NEB: variants seen among roughly 807,000 people sequenced by gnomAD.
NEB encodes nemaline myopathy type 2.
A neutral mutation model predicts 952.2 loss-of-function variants in NEB; 512 were observed. The ratio of observed to expected loss-of-function variants is 0.54; its 90% confidence interval spans 0.50 to 0.58. NEB has a LOEUF of 0.58. Among genes scored for constraint, NEB ranks in the 20% least tolerant of loss-of-function variants. The pLI is 0.00. For synonymous variants in NEB, 2,900 were observed against 3,149.8 expected (o/e 0.92, Z 2.66); for missense variants, 8,428 against 9,231.1 (o/e 0.91, Z 3.56).
intron 9 of NEB, among the ~76,000 whole-genome samples, chr2:151,719,696 C>T (rs1233891386): frequency 1.3e-5 from 2 of 152,126 alleles, no homozygotes; most frequent in African/African-American, 2.4e-5. Context: ...CAGGGCAATA[C>T]GGTGAAACCC....
intron 138 of NEB, among the ~76,000 whole-genome samples, chr2:151,538,665 C>A (rs546801327): frequency 9.9e-5 from 15 of 151,416 alleles, no homozygotes; most frequent in African/African-American, 3.4e-4. Context: ...CCCAAACAAA[C>A]AACATTGTTG....
chr2:151,493,384 C>G lies in NEB; in HGVS notation c.24734G>C (p.Arg8245Thr), dbSNP rs1559153253. The G allele has an allele frequency of 6.2e-7, 1 of 1,612,460 alleles. No individual in the cohort carries two copies. ...TPTPVTPEME[R>T]AKRNQENISS... ...AATGTTTTCTTGGTTGCGCTTAGCT[C>G]TCTCCATCTCTGGAGTAACAGGTGT... Residue 8245 changes from arginine to threonine, a missense_variant, in exon 176 of 182, where the codon AGA becomes ACA. Transcript: ENST00000397345.
rs1482662133 is a variant in NEB, at chr2:151,496,305, C to T, written c.24457G>A (p.Val8153Ile). ...CTAATATTTTCTTGATTGTGTTTGA[C>T]TCGCTCCATCTCGGGAGTGACAGCT... ...PLAVTPEMER[V>I]KHNQENISSV... Residue 8153 changes from valine (V) to isoleucine (I), a missense_variant, in exon 173 of 182, where the codon GTC (valine) becomes ATC (isoleucine). Physicochemically the swap from Val to Ile is conservative, Grantham distance 29. Around this residue, in one of 11 missense-constraint regions of NEB, gnomAD observed 3,374 missense variants for 3,651.5 expected, o/e 0.92. Transcript: ENST00000397345. The T allele has an allele frequency of 2.5e-6, 4 of 1,611,508 alleles. No individual in the cohort carries two copies. The highest frequency in any genetic ancestry group is 1.7e-5 in the Admixed American group (1 of 59,802).
chr2:151,680,698 T>C, intron 30 of NEB, 32 bp downstream of exon 30: 3 of 1,413,112 alleles, frequency 2.1e-6, no homozygotes, highest in Non-Finnish European at 3.0e-6. Context: ...TTAGTTAACA[T>C]CTATTAACAT....
rs1553934027 is a variant in NEB, at chr2:151,629,550, C to CCCT, written c.9819_9820insAGG (p.Asp3273_Val3274insArg). On this transcript the variant is annotated inframe_insertion, in exon 68 of 182. Coordinates refer to ENST00000397345, the MANE Select transcript of NEB (RefSeq NM_001164508.2). The stretch of plus-strand genomic sequence containing the variant: ...GTGTTGCTACTCACATCACTGATAA[C>CCCT]GTCCCTGGAGGCCTTGGCAGCCACG... 1.9e-6 allele frequency: 3 copies of CCCT among 1,612,598 alleles called. No individual in the cohort carries two copies. The highest frequency in any genetic ancestry group is 2.5e-6 in the Non-Finnish European group (3 of 1,178,688).
intron 71 of NEB, among the ~76,000 whole-genome samples, chr2:151,622,190 T>C (rs2098431535): frequency 6.6e-6 from 1 of 151,988 alleles, no homozygotes; most frequent in South Asian, 2.1e-4. Flanking sequence ...TTAGTAGAGA[T>C]GGGTGTTGCT....
chr2:151,525,147 G>A lies in NEB; in HGVS notation c.22272+16C>T. 6.3e-7 allele frequency: 1 copy of A among 1,583,364 alleles called. No homozygotes were observed. Among genetic ancestry groups the A allele is most frequent in the Non-Finnish European group, 8.7e-7 (1 of 1,152,102 alleles). Reference sequence around the variant, plus strand: ...CTTCAAATGGGCCCCCAAGAGTGTTGAGAGGGAAAACTTACATCACTTTGC... The same window carrying A: ...CTTCAAATGGGCCCCCAAGAGTGTTAAGAGGGAAAACTTACATCACTTTGC... On this transcript the variant is annotated intron_variant, in intron 151 of 181. Coordinates refer to ENST00000397345, the MANE Select transcript of NEB (RefSeq NM_001164508.2).
At position 151,640,653 on chromosome 2, in the gene NEB, T is replaced by C. The variant is rs368800654; in HGVS notation, c.8387A>G (p.Glu2796Gly). The part of the protein sequence containing the change: ...RDIASEFKYK[E>G]GYRKQLGHHI... ...GTGGCCGAGCTGCTTACGATAGCCT[T>C]CTTTGTACTTGAACTAAAAGAAGAA... Residue 2796 changes from glutamate (E) to glycine (G), a missense_variant, in exon 61 of 182, where the codon GAA (glutamate) becomes GGA (glycine). Transcript: ENST00000397345. 6.2e-7 allele frequency: 1 copy of C among 1,609,996 alleles called. No individual in the cohort carries two copies. The highest frequency in any genetic ancestry group is 8.5e-7 in the Non-Finnish European group (1 of 1,177,220).
At chr2:151,693,809 A>T (rs2099575934) in intron 20 of NEB, among the ~76,000 whole-genome samples, 1 of 152,156 alleles carries the variant, frequency 6.6e-6, no homozygotes, top group South Asian at 2.1e-4. Flanking sequence ...TTTAATAAGT[A>T]TGTTAAAGTC....
intron 107 of NEB, among the ~76,000 whole-genome samples, chr2:151,574,099 T>C (rs1176346405): frequency 6.6e-6 from 1 of 152,128 alleles, no homozygotes; most frequent in Non-Finnish European, 1.5e-5. Flanking sequence ...CTCAGTCTCC[T>C]GAGTAGCTGG....
intron 114 of NEB, among the ~76,000 whole-genome samples, chr2:151,566,885 T>C (rs529345289): frequency 1.5e-3 from 231 of 152,286 alleles, no homozygotes; most frequent in African/African-American, 5.3e-3. Flanking sequence ...TACTTTTCTA[T>C]GTGAATGTGA....
chr2:151,617,503 GA>G, intron 74 of NEB, 35 bp from the exon 75 acceptor site: 2 of 1,227,388 alleles, frequency 1.6e-6, no homozygotes, highest in Non-Finnish European at 2.3e-6. Context: ...GAGAGAGAGA[GA>G]AAAATTATTT....
rs1158552388 is a variant in NEB at position 151,627,518 on chromosome 2, C to T, written c.10143+5G>A. 6.2e-7 allele frequency: 1 copy of T among 1,613,056 alleles called. No homozygotes were observed. Among genetic ancestry groups the T allele is most frequent in the African/African-American group, 1.3e-5 (1 of 75,040 alleles). ...GCACAGTTACCATGGATCTTAATTA[C>T]TCACATCGCTCTGGAGGTCATAGGC... is the stretch of plus-strand genomic sequence containing the variant. On this transcript the variant is annotated splice_donor_5th_base_variant and intron_variant, in intron 69 of 181. Transcript: ENST00000397345.
chr2:151,674,323 T>C (rs565131674), intron 36 of NEB, among the ~76,000 whole-genome samples, 154 bp downstream of exon 36: 2 of 152,328 alleles, frequency 1.3e-5, no homozygotes, highest in African/African-American at 4.8e-5. Context: ...CACAAAAATG[T>C]TTCTAAAAGT....
At chr2:151,608,993 G>A (rs1247127981) in intron 81 of NEB, among the ~76,000 whole-genome samples, 2 of 135,958 alleles carry the variant, frequency 1.5e-5, no homozygotes, top group African/African-American at 5.0e-5. Context: ...CAAGGTGCAG[G>A]CCTTCAGCAC....
Position 151,609,859 on chromosome 2 carries a change from C to A in NEB, c.12280G>T (p.Asp4094Tyr), listed in dbSNP as rs748607410. The A allele has an allele frequency of 1.2e-6, 2 of 1,607,370 alleles. No homozygotes were observed. Among genetic ancestry groups the A allele is most frequent in the African/African-American group, 1.3e-5 (1 of 74,676 alleles). The change falls in exon 81 of 182, where the codon GAT becomes TAT. Residue 4094 changes from aspartate (D) to tyrosine (Y), a missense_variant. Transcript: ENST00000397345. Reference sequence around the variant, plus strand: ...TTTGCTTGGATAATGTCGTTTTGATCCGGCATGCATGTCCATTCATGCAGG... The same window carrying A: ...TTTGCTTGGATAATGTCGTTTTGATACGGCATGCATGTCCATTCATGCAGG... ...NYLHEWTCMP[D>Y]QNDIIQAKKA...
chr2:151,640,734 C>T (rs1574825927), intron 60 of NEB, 68 bp from the exon 61 acceptor site: 2 of 1,485,370 alleles, frequency 1.3e-6, no homozygotes, highest in South Asian at 1.4e-5. Context: ...CTAAGCCTAA[C>T]TTGCTCTATT....
intron 135 of NEB, 96 bp from the exon 136 acceptor site, chr2:151,541,647 A>T: frequency 1.1e-6 from 1 of 926,158 alleles, no homozygotes; most frequent in Non-Finnish European, 1.7e-6. Context: ...AAAAGGCAGG[A>T]GCCCTCCCAC....
chr2:151,650,268 A>G lies in NEB; in HGVS notation c.7339T>C (p.Tyr2447His), dbSNP rs1160496287. The change falls in exon 54 of 182, where the codon TAT becomes CAT. Residue 2447 changes from tyrosine (Y) to histidine (H), a missense_variant. This residue lies in a region of NEB where 1,772 missense variants were observed against 1,960.3 expected (regional missense o/e 0.90). Transcript: ENST00000397345. ...RASEIISEKK[Y>H]RQPPDRNKFT... ...TTGTTTCTGTCTGGAGGCTGACGAT[A>G]TTTCTTCTCACTGATGATTTCCGAA... 1 of 1,613,768 alleles carries G rather than the reference A, an allele frequency of 6.2e-7. No individual in the cohort carries two copies. Among genetic ancestry groups the G allele is most frequent in the Admixed American group, 1.7e-5 (1 of 59,974 alleles).
Sources: allele counts gnomAD v4.1 joint callset (sites outside exome capture counted in the v4.1 genomes callset), GRCh38; gene constraint gnomAD v4.1.1; regional missense constraint gnomAD v4.1.1; transcripts MANE v1.5; gene names NCBI Gene and HGNC (gene_info 2026-07-23, HGNC 2026-07-21).